The following PRUNE2 variants were observed in gnomAD, a reference collection of about 807,000 sequenced individuals.
PRUNE2 encodes the protein prune homolog 2 with BCH domain.
A neutral mutation model predicts 252.0 loss-of-function variants in PRUNE2; 164 were observed. That is an observed-to-expected ratio of 0.65 (90% CI 0.57 to 0.74). The LOEUF (loss-of-function observed/expected upper bound fraction) is 0.74. Among genes scored for constraint, PRUNE2 ranks in the 30% least tolerant of loss-of-function variants. PRUNE2 has a pLI of 0.00. For synonymous variants in PRUNE2, 1,292 were observed against 1,350.2 expected (o/e 0.96, Z 0.94); for missense variants, 3,495 against 3,711.0 (o/e 0.94, Z 1.51).
chr9:76,681,981 T>C (rs1210232380), intron 9 of PRUNE2, among the ~76,000 whole-genome samples: 1 of 152,150 alleles, frequency 6.6e-6, no homozygotes. Context: ...TTTAAAGATG[T>C]ATTTTAAATA....
intron 9 of PRUNE2, among the ~76,000 whole-genome samples, chr9:76,670,705 G>C (rs2041238554): frequency 1.3e-5 from 2 of 152,062 alleles, no homozygotes; most frequent in South Asian, 4.2e-4. Flanking sequence ...CTGGAGATCT[G>C]AGAACAGGCA....
intron 6 of PRUNE2, among the ~76,000 whole-genome samples, chr9:76,807,051 T>TGTGCGCGC (rs60768420): frequency 4.1e-3 from 573 of 139,432 alleles, no homozygotes; most frequent in East Asian, 0.012. Flanking sequence ...TGTGTGTGTG[T>TGTGCGCGC]GCGCGCGCGC....
At chr9:76,836,595 G>A (rs1297816499) in intron 4 of PRUNE2, among the ~76,000 whole-genome samples, 3 of 152,196 alleles carry the variant, frequency 2.0e-5, no homozygotes, top group East Asian at 1.9e-4. Flanking sequence ...ATAAGTACGT[G>A]CCTTTCCAAA....
intron 6 of PRUNE2, among the ~76,000 whole-genome samples, chr9:76,745,899 T>C (rs1415787408): frequency 6.6e-6 from 1 of 152,192 alleles, no homozygotes; most frequent in Non-Finnish European, 1.5e-5. Context: ...CAAGCTGCAC[T>C]AACCATAGTA....
In PRUNE2 at chr9:76,709,089, C is replaced by T. The variant is rs763863783; in HGVS notation, c.3185G>A (p.Gly1062Asp). Residue 1062 changes from glycine to aspartate, a missense_variant, in exon 8 of 19, where the codon GGT (glycine) becomes GAT (aspartate). Transcript: ENST00000376718. Reference sequence around the variant, plus strand: ...GTCATCCTCCATGGAGATATTCTTACCATCTGTGTGCTCTGTCTTGAGTTC... The same window carrying T: ...GTCATCCTCCATGGAGATATTCTTATCATCTGTGTGCTCTGTCTTGAGTTC... Reference protein sequence around the residue: ...ENELKTEHTDGKNISMEDDVG... With the variant: ...ENELKTEHTDDKNISMEDDVG... 30 of 1,613,960 alleles carry T rather than the reference C, an allele frequency of 1.9e-5. No individual in the cohort carries two copies. Among genetic ancestry groups the T allele is most frequent in the Non-Finnish European group, 2.3e-5 (27 of 1,179,880 alleles).
intron 4 of PRUNE2, among the ~76,000 whole-genome samples, chr9:76,838,245 A>AACAG (rs2059171750): frequency 6.6e-6 from 1 of 151,220 alleles, no homozygotes; most frequent in Non-Finnish European, 1.5e-5. Flanking sequence ...AACATAATAA[A>AACAG]ATAGATAGAT....
chr9:76,650,920 T>C (rs550367447), intron 11 of PRUNE2, among the ~76,000 whole-genome samples: 1 of 152,172 alleles, frequency 6.6e-6, no homozygotes, highest in African/African-American at 2.4e-5. Context: ...GAGGGGCCAG[T>C]TGGGTCATGC....
chr9:76,677,394 G>A (rs1588501828), intron 9 of PRUNE2, among the ~76,000 whole-genome samples: 2 of 152,218 alleles, frequency 1.3e-5, no homozygotes, highest in Non-Finnish European at 2.9e-5. Context: ...TTTAAAATTA[G>A]CATCGTTTTT....
At chr9:76,678,414 A>T (rs1010933004) in intron 9 of PRUNE2, among the ~76,000 whole-genome samples, 15 of 151,896 alleles carry the variant, frequency 9.9e-5, no homozygotes, top group South Asian at 2.1e-4. Flanking sequence ...AGGGAGGAAA[A>T]AAGGAAAGGA....
chr9:76,761,575 T>C (rs979276273), intron 6 of PRUNE2, among the ~76,000 whole-genome samples: 2 of 152,236 alleles, frequency 1.3e-5, no homozygotes, highest in Non-Finnish European at 2.9e-5. Flanking sequence ...GTCAAATGAT[T>C]GCTTTTCTCT....
chr9:76,904,024 G>A (rs2063334318), intron 1 of PRUNE2, among the ~76,000 whole-genome samples: 2 of 152,272 alleles, frequency 1.3e-5, no homozygotes, highest in South Asian at 2.1e-4. Flanking sequence ...CATACATTAA[G>A]TAAAAATCTT....
chr9:76,635,090 C>T (rs758097517), intron 15 of PRUNE2, among the ~76,000 whole-genome samples: 1 of 152,164 alleles, frequency 6.6e-6, no homozygotes, highest in Non-Finnish European at 1.5e-5. Flanking sequence ...CTGCCTCAGC[C>T]TCCCTAGTAG....
At chr9:76,687,433 G>C (rs2044217008) in intron 9 of PRUNE2, among the ~76,000 whole-genome samples, 1 of 152,192 alleles carries the variant, frequency 6.6e-6, no homozygotes, top group South Asian at 2.1e-4. Flanking sequence ...TCTTGGGTTT[G>C]AGCAGCACTA....
intron 15 of PRUNE2, among the ~76,000 whole-genome samples, chr9:76,636,082 C>G (rs1587948583): frequency 6.6e-6 from 1 of 152,170 alleles, no homozygotes; most frequent in African/African-American, 2.4e-5. Context: ...GATATGGCTT[C>G]TGTTTCTGCC....
intron 9 of PRUNE2, chr9:76,700,069 A>T (rs1219584040): frequency 6.6e-6 from 1 of 152,226 alleles, no homozygotes; most frequent in Non-Finnish European, 1.5e-5. Flanking sequence ...GCAAATCTCA[A>T]GGGAGAGAGG....
intron 1 of PRUNE2, among the ~76,000 whole-genome samples, chr9:76,893,309 G>T (rs182884142): frequency 6.6e-6 from 1 of 152,280 alleles, no homozygotes; most frequent in East Asian, 1.9e-4. Flanking sequence ...CCAGTGTAAA[G>T]GTCTGTGATT....
intron 6 of PRUNE2, among the ~76,000 whole-genome samples, chr9:76,781,465 G>A (rs1427707427): frequency 6.6e-6 from 1 of 152,124 alleles, no homozygotes; most frequent in Non-Finnish European, 1.5e-5. Context: ...CCTTTGCCTG[G>A]AATGCTCTTA....
At chr9:76,620,792 C>T (rs984380472) in intron 17 of PRUNE2, among the ~76,000 whole-genome samples, 3 of 152,186 alleles carry the variant, frequency 2.0e-5, no homozygotes, top group African/African-American at 7.2e-5. Flanking sequence ...AAAGGGCAAT[C>T]TTCCAAACTC....
rs114933913 is a variant in PRUNE2, at chr9:76,807,488, T to A, written c.756+16144A>T. On this transcript the variant is annotated intron_variant, in intron 6 of 18. Coordinates refer to ENST00000376718, the MANE Select transcript of PRUNE2 (RefSeq NM_015225.3). The stretch of plus-strand genomic sequence containing the variant: ...CTCAGTATTTCACACCATGATATAA[T>A]AAAGAGGTAATTATACAAATTATAC... Among the ~76,000 whole-genome samples the A allele has an allele frequency of 8.0e-3, 1,223 of 152,288 alleles. 14 individuals are homozygous for A. The highest frequency in any genetic ancestry group is 0.028 in the African/African-American group (1,168 of 41,544).
Sources: allele counts gnomAD v4.1 joint callset (sites outside exome capture counted in the v4.1 genomes callset), GRCh38; gene constraint gnomAD v4.1.1; transcripts MANE v1.5; gene names NCBI Gene and HGNC (gene_info 2026-07-23, HGNC 2026-07-21).